COX7B: variants seen among roughly 807,000 people sequenced by gnomAD.
COX7B encodes cytochrome c oxidase subunit 7B, also known as cytochrome c oxidase subunit 7B, mitochondrial.
A neutral mutation model predicts 7.9 loss-of-function variants in COX7B; 2 were observed. That is an observed-to-expected ratio of 0.25 (90% CI 0.10 to 0.79). The LOEUF (loss-of-function observed/expected upper bound fraction) is 0.79, where lower values mean the gene tolerates loss of function less well. Ranked by LOEUF, COX7B falls within the 30% of genes least tolerant of loss-of-function variation. The probability of loss-of-function intolerance (pLI) is 0.69; values close to 1 mark genes in which losing one functional copy is unlikely to be tolerated. For synonymous variants in COX7B, 19 were observed against 21.1 expected (o/e 0.90, Z 0.27); for missense variants, 54 against 62.7 (o/e 0.86, Z 0.47).
intron 2 of COX7B, among the ~76,000 whole-genome samples, chrX:77,904,667 A>G (rs782048627): frequency 2.7e-5 from 3 of 110,567 alleles, no homozygotes; most frequent in Non-Finnish European, 3.8e-5. Flanking sequence ...CTCAAAAAAA[A>G]AATTAAAGTG....
rs1300551135 is a variant in COX7B at position 77,907,176 on chromosome X, G to A, written c.*1915G>A. 9.0e-6 allele frequency: 1 copy of A among 111,535 alleles called. No homozygotes were observed. The highest frequency in any genetic ancestry group is 3.3e-5 in the African/African-American group (1 of 30,735). The allele number at this position is 111,535 out of a possible 1,213,427, so 9.2% of individuals were successfully genotyped here. On this transcript the variant is annotated 3_prime_UTR_variant, in exon 3 of 3. Coordinates refer to ENST00000650309, the MANE Select transcript of COX7B (RefSeq NM_001866.3). Reference sequence around the variant, plus strand: ...AAAGTCAGTGATTTTATTTGAAGAGGAAAAATTGAACGTCATTGTAAATTA... The same window carrying A: ...AAAGTCAGTGATTTTATTTGAAGAGAAAAAATTGAACGTCATTGTAAATTA...
chrX:77,902,076 A>T (rs782620127), intron 1 of COX7B, among the ~76,000 whole-genome samples: 40 of 111,558 alleles, frequency 3.6e-4, no homozygotes, highest in African/African-American at 1.3e-3. Flanking sequence ...AGTTGTGGCG[A>T]GTTTTTTTGT....
intron 1 of COX7B, among the ~76,000 whole-genome samples, chrX:77,901,440 G>A (rs1367419439): frequency 1.9e-5 from 2 of 106,541 alleles, no homozygotes; most frequent in Non-Finnish European, 3.9e-5. Flanking sequence ...CCCTTAAATT[G>A]GACAGGAAGA....
rs782497922 is a variant in COX7B, at chrX:77,906,936, A to G, written c.*1675A>G. On this transcript the variant is annotated 3_prime_UTR_variant, in exon 3 of 3. Transcript: ENST00000650309. Reference sequence around the variant, plus strand: ...AGACACCGCGCCCGGCTTATATATCATTACTTTCTTGGCTGAGAGCTGTAG... The same window carrying G: ...AGACACCGCGCCCGGCTTATATATCGTTACTTTCTTGGCTGAGAGCTGTAG... 4 of 109,205 alleles carry G rather than the reference A, an allele frequency of 3.7e-5. No homozygotes were observed. The highest frequency in any genetic ancestry group is 3.8e-4 in the South Asian group (1 of 2,638). The allele number at this position is 109,205 out of a possible 1,213,427, so 9.0% of individuals were successfully genotyped here.
chrX:77,900,018 T>C (rs1307352687), intron 1 of COX7B, among the ~76,000 whole-genome samples: 1 of 112,069 alleles, frequency 8.9e-6, no homozygotes, highest in African/African-American at 3.2e-5. Context: ...CTGGTTTAAT[T>C]GCAGGGAAAC....
chrX:77,906,435 TTTCA>T lies in COX7B; in HGVS notation c.*1176_*1179del, dbSNP rs1247706336. On this transcript the variant is annotated 3_prime_UTR_variant, in exon 3 of 3. Coordinates refer to ENST00000650309, the MANE Select transcript of COX7B (RefSeq NM_001866.3). ...TTCATCTTGATTATAGCTCTTGGTCTTTCATCATATTAGGGATGTTTATGATGTT... is the reference window on the plus strand; with the variant it reads ...TTCATCTTGATTATAGCTCTTGGTCTTCATATTAGGGATGTTTATGATGTT... 8.9e-6 allele frequency: 1 copy of T among 111,908 alleles called. No homozygotes were observed. The highest frequency in any genetic ancestry group is 3.2e-5 in the African/African-American group (1 of 30,807). 9.2% of individuals were successfully genotyped at this position (111,908 alleles called of 1,213,427 possible).
rs2077137736 is a variant in COX7B, at chrX:77,907,235, T to A, written c.*1974T>A. ...GTTTAGTAACCATATTGTACCACTGTTTGATAAATTTGAACGCTTTATGGT... is the reference window on the plus strand; with the variant it reads ...GTTTAGTAACCATATTGTACCACTGATTGATAAATTTGAACGCTTTATGGT... On this transcript the variant is annotated 3_prime_UTR_variant, in exon 3 of 3. Coordinates refer to ENST00000650309, the MANE Select transcript of COX7B (RefSeq NM_001866.3). 1 of 111,899 alleles carries A rather than the reference T, an allele frequency of 8.9e-6. No homozygotes were observed. The highest frequency in any genetic ancestry group is 3.2e-5 in the African/African-American group (1 of 30,837). 9.2% of individuals were successfully genotyped at this position (111,899 alleles called of 1,213,427 possible). A position where few individuals can be genotyped will look rare whatever the true frequency, so the allele number is the denominator to read the frequency against.
intron 1 of COX7B, chrX:77,901,771 C>G: frequency 9.0e-6 from 1 of 111,600 alleles, no homozygotes; most frequent in East Asian, 2.8e-4. Flanking sequence ...GTTACCCAGG[C>G]TGGAGTGTAG....
rs782269461 is a variant in COX7B, at chrX:77,899,597, A to G, written c.40+4A>G. 1.6e-5 allele frequency: 19 copies of G among 1,208,974 alleles called. No homozygotes were observed. The highest frequency in any genetic ancestry group is 2.1e-5 in the Non-Finnish European group (19 of 893,495). The stretch of plus-strand genomic sequence containing the variant: ...AGCGCACTAAATCGTCTCCAAGGTG[A>G]GCAAAAATTATGACAAATCATTTAC... On this transcript the variant is annotated splice_donor_region_variant and intron_variant, in intron 1 of 2. Coordinates refer to ENST00000650309, the MANE Select transcript of COX7B (RefSeq NM_001866.3).
At chrX:77,899,721 G>T (rs1557220490) in intron 1 of COX7B, 128 bp downstream of exon 1, 1 of 622,927 alleles carries the variant, frequency 1.6e-6, no homozygotes. Context: ...CTCCCATCTC[G>T]TCCCAAGTCA....
chrX:77,903,944 T>A (rs1353569760), intron 2 of COX7B, among the ~76,000 whole-genome samples: 1 of 103,230 alleles, frequency 9.7e-6, no homozygotes, highest in Non-Finnish European at 2.0e-5. Flanking sequence ...TTGTTTTTTT[T>A]TTTTTTGAGA....
chrX:77,907,028 A>T lies in COX7B; in HGVS notation c.*1767A>T. 9.0e-6 allele frequency: 1 copy of T among 110,770 alleles called. No individual in the cohort carries two copies. Among genetic ancestry groups the T allele is most frequent in the Admixed American group, 9.7e-5 (1 of 10,303 alleles). 9.1% of individuals were successfully genotyped at this position (110,770 alleles called of 1,213,427 possible). A position where few individuals can be genotyped will look rare whatever the true frequency, so the allele number is the denominator to read the frequency against. ...TAGTTTTCTTGATCGTGATCAATTAAGCAGAAAGTAGAATTTCAGTCAGGT... is the reference window on the plus strand; with the variant it reads ...TAGTTTTCTTGATCGTGATCAATTATGCAGAAAGTAGAATTTCAGTCAGGT... On this transcript the variant is annotated 3_prime_UTR_variant, in exon 3 of 3. Coordinates refer to ENST00000650309, the MANE Select transcript of COX7B (RefSeq NM_001866.3).
intron 1 of COX7B, chrX:77,901,627 C>G (rs2077120282): frequency 8.9e-6 from 1 of 111,749 alleles, no homozygotes; most frequent in Non-Finnish European, 1.9e-5. Flanking sequence ...ATTCTGCTTC[C>G]TTGTACGATA....
At position 77,906,920 on chromosome X, in the gene COX7B, G is replaced by A. The variant is rs1013102491; in HGVS notation, c.*1659G>A. The A allele has an allele frequency of 7.2e-5, 8 of 111,153 alleles. No individual in the cohort carries two copies. The highest frequency in any genetic ancestry group is 3.8e-4 in the Admixed American group (4 of 10,408). 9.2% of individuals were successfully genotyped at this position (111,153 alleles called of 1,213,427 possible). ...TAGGCTTACAGGCATGAGACACCGC[G>A]CCCGGCTTATATATCATTACTTTCT... On this transcript the variant is annotated 3_prime_UTR_variant, in exon 3 of 3. Coordinates refer to ENST00000650309, the MANE Select transcript of COX7B (RefSeq NM_001866.3).
chrX:77,905,067 T>C (rs1237065642), intron 2 of COX7B, 117 bp from the exon 3 acceptor site: 1 of 579,408 alleles, frequency 1.7e-6, no homozygotes, highest in African/African-American at 2.3e-5. Flanking sequence ...AGATCCCAGG[T>C]GAGTTTCTGT....
At chrX:77,903,409 G>C (rs1603367186) in intron 2 of COX7B, among the ~76,000 whole-genome samples, 1 of 109,339 alleles carries the variant, frequency 9.1e-6, no homozygotes, top group African/African-American at 3.3e-5. Context: ...AGTTAGGCTG[G>C]TCTTGAACTC....
chrX:77,903,929 G>GTTTTTTTTTTTTTTTTTTTT (rs2077127701), intron 2 of COX7B, among the ~76,000 whole-genome samples: 1 of 90,629 alleles, frequency 1.1e-5, no homozygotes. Flanking sequence ...TTTTTGTTTT[G>GTTTTTTTTTTTTTTTTTTTT]TTTTTTGTTT....
intron 1 of COX7B, among the ~76,000 whole-genome samples, chrX:77,900,429 A>G (rs1248078811): frequency 2.7e-5 from 3 of 112,261 alleles, no homozygotes. Context: ...TTTCTTATCC[A>G]AAGGTTGGGC....
chrX:77,899,943 T>A (rs1557220516), intron 1 of COX7B, among the ~76,000 whole-genome samples: 1 of 112,205 alleles, frequency 8.9e-6, no homozygotes, highest in Non-Finnish European at 1.9e-5. Context: ...TAACCCTGTA[T>A]AGAAAAATAT....
Sources: gnomAD v4.1 joint callset for allele counts (sites outside exome capture counted in the v4.1 genomes callset) on GRCh38, gnomAD v4.1.1 for gene constraint, MANE v1.5 for transcripts, NCBI Gene and HGNC (gene_info 2026-07-23, HGNC 2026-07-21) for gene names.